Variants in RPS6KA2 observed in about 807,000 individuals in gnomAD.
RPS6KA2 encodes ribosomal protein S6 kinase A2.
Under a neutral mutation model 91.8 loss-of-function variants are expected in RPS6KA2, and 42 were observed. That is an observed-to-expected ratio of 0.46 (90% CI 0.36 to 0.59). RPS6KA2 has a LOEUF of 0.59. Among genes scored for constraint, RPS6KA2 ranks in the 20% least tolerant of loss-of-function variants. RPS6KA2 has a pLI of 0.00. For missense variants in RPS6KA2, 798 were observed against 978.5 expected (o/e 0.82, Z 2.46); for synonymous variants, 414 against 393.6 (o/e 1.05, Z -0.61).
intron 16 of RPS6KA2, among the ~76,000 whole-genome samples, chr6:166,427,136 G>A (rs1314997831): frequency 6.6e-6 from 1 of 151,510 alleles, no homozygotes; most frequent in Admixed American, 6.6e-5. Context: ...GGGATGCAAG[G>A]CTGGTTCAAC....
intron 6 of RPS6KA2, among the ~76,000 whole-genome samples, chr6:166,501,395 C>T (rs1377924715): frequency 6.6e-6 from 1 of 152,232 alleles, no homozygotes; most frequent in Non-Finnish European, 1.5e-5. Flanking sequence ...CCTGCCCTGG[C>T]TCTCCAGACC....
At chr6:166,622,091 A>C (rs1168933747) in intron 1 of RPS6KA2, among the ~76,000 whole-genome samples, 1 of 152,218 alleles carries the variant, frequency 6.6e-6, no homozygotes, top group Non-Finnish European at 1.5e-5. Context: ...CATGAAAAAT[A>C]GTCTGAACAG....
At chr6:166,609,229 G>C (rs181784055) in intron 1 of RPS6KA2, among the ~76,000 whole-genome samples, 2 of 152,186 alleles carry the variant, frequency 1.3e-5, no homozygotes, top group African/African-American at 4.8e-5. Context: ...GTACTACAGA[G>C]ATGAAGCAGA....
intron 8 of RPS6KA2, among the ~76,000 whole-genome samples, chr6:166,497,521 C>A (rs752129198): frequency 6.6e-5 from 10 of 152,210 alleles, no homozygotes; most frequent in Admixed American, 2.0e-4. Context: ...GCAGCCCGTG[C>A]GGGCACGTGG....
At chr6:166,414,961 G>A (rs1250620993) in intron 19 of RPS6KA2, among the ~76,000 whole-genome samples, 1 of 152,112 alleles carries the variant, frequency 6.6e-6, no homozygotes, top group Non-Finnish European at 1.5e-5. Context: ...GCTACCTGGG[G>A]GGCTGAGGCA....
intron 2 of RPS6KA2, among the ~76,000 whole-genome samples, chr6:166,667,101 A>G (rs1324126588): frequency 6.6e-6 from 1 of 152,178 alleles, no homozygotes; most frequent in Non-Finnish European, 1.5e-5. Context: ...GATTAGGGGG[A>G]AAAAGAGTTA....
intron 2 of RPS6KA2, among the ~76,000 whole-genome samples, chr6:166,766,901 G>GCC (rs1778326178): frequency 6.6e-6 from 1 of 152,150 alleles, no homozygotes; most frequent in Non-Finnish European, 1.5e-5. Context: ...CACCCTACTC[G>GCC]CCCCACAGTG....
At chr6:166,784,989 T>C (rs965989099) in intron 2 of RPS6KA2, among the ~76,000 whole-genome samples, 1 of 152,238 alleles carries the variant, frequency 6.6e-6, no homozygotes. Context: ...AATCCCCAGC[T>C]TGCCCTGGCT....
chr6:166,837,690 C>T (rs2128628664), intron 2 of RPS6KA2, among the ~76,000 whole-genome samples: 1 of 152,310 alleles, frequency 6.6e-6, no homozygotes, highest in South Asian at 2.1e-4. Flanking sequence ...TCCACCCGCC[C>T]TCTGCCCCTC....
At chr6:166,729,132 G>A (rs1278341644) in intron 2 of RPS6KA2, among the ~76,000 whole-genome samples, 1 of 152,158 alleles carries the variant, frequency 6.6e-6, no homozygotes, top group East Asian at 1.9e-4. Flanking sequence ...CTGAGTAGGG[G>A]GTAGCCTAGG....
chr6:166,694,021 G>T (rs1422055316), intron 2 of RPS6KA2, among the ~76,000 whole-genome samples: 1 of 152,200 alleles, frequency 6.6e-6, no homozygotes, highest in African/African-American at 2.4e-5. Context: ...TCTCTATTGT[G>T]CATTGTGTGA....
intron 2 of RPS6KA2, among the ~76,000 whole-genome samples, chr6:166,679,429 A>G (rs1012179763): frequency 6.6e-6 from 1 of 152,152 alleles, no homozygotes; most frequent in Non-Finnish European, 1.5e-5. Flanking sequence ...ACACCACTGC[A>G]CTCCAGCCTG....
chr6:166,682,741 G>A (rs908958761), intron 2 of RPS6KA2, among the ~76,000 whole-genome samples: 1 of 152,174 alleles, frequency 6.6e-6, no homozygotes, highest in African/African-American at 2.4e-5. Context: ...AATGGAACCT[G>A]TCTCCCCACA....
chr6:166,742,995 ATACTGG>A (rs1176623780), intron 2 of RPS6KA2, among the ~76,000 whole-genome samples: 1 of 152,248 alleles, frequency 6.6e-6, no homozygotes, highest in Non-Finnish European at 1.5e-5. Context: ...CAGAGCTAGA[ATACTGG>A]TATGAAAGCA....
chr6:166,707,020 C>A (rs1255554787), intron 2 of RPS6KA2, among the ~76,000 whole-genome samples: 1 of 152,150 alleles, frequency 6.6e-6, no homozygotes, highest in Non-Finnish European at 1.5e-5. Flanking sequence ...GAATATTACT[C>A]AAAATAGAAC....
rs1442299480 is a variant in RPS6KA2, at chr6:166,693,664, AT to A, written c.124-154881del. 2.0e-5 allele frequency among the ~76,000 whole-genome samples: 3 copies of A among 152,130 alleles called. No individual in the cohort carries two copies. In the East Asian group the frequency reaches 5.8e-4, roughly 29 times the overall value. On this transcript the variant is annotated intron_variant, in intron 2 of 21. Coordinates refer to the RPS6KA2 transcript ENST00000503859. Reference sequence around the variant, plus strand: ...ACCATTAATATCCCCCTCCCCCGCAATTTAACATGATGTCGTTTGCATCCTT... The same window carrying A: ...ACCATTAATATCCCCCTCCCCCGCAATTAACATGATGTCGTTTGCATCCTT...
intron 2 of RPS6KA2, among the ~76,000 whole-genome samples, chr6:166,806,406 T>A (rs1385437080): frequency 6.6e-6 from 1 of 152,062 alleles, no homozygotes; most frequent in Non-Finnish European, 1.5e-5. Context: ...TACAGAGGGA[T>A]CCTCAAAAAA....
intron 2 of RPS6KA2, among the ~76,000 whole-genome samples, chr6:166,657,221 T>C (rs928424258): frequency 6.6e-6 from 1 of 151,980 alleles, no homozygotes. Flanking sequence ...TCTTTCTGTT[T>C]GGAAACACAC....
intron 2 of RPS6KA2, among the ~76,000 whole-genome samples, 158 bp from the exon 3 acceptor site, chr6:166,531,471 G>A (rs947851263): frequency 2.0e-5 from 3 of 152,198 alleles, no homozygotes; most frequent in Non-Finnish European, 4.4e-5. Context: ...CAAGGCTGCC[G>A]GAAAATGCTC....
Sources: allele counts gnomAD v4.1 joint callset (sites outside exome capture counted in the v4.1 genomes callset), GRCh38; gene constraint gnomAD v4.1.1; transcripts MANE v1.5; gene names NCBI Gene and HGNC (gene_info 2026-07-23, HGNC 2026-07-21).